CHRNA7: variants seen among roughly 807,000 people sequenced by gnomAD.
CHRNA7 encodes neuronal acetylcholine receptor subunit alpha-7.
A neutral mutation model predicts 48.0 loss-of-function variants in CHRNA7; 17 were observed. The observed-to-expected ratio is 0.35, with a 90% CI of 0.24 to 0.53. The LOEUF (loss-of-function observed/expected upper bound fraction) is 0.53, where lower values mean the gene tolerates loss of function less well. CHRNA7 is among the 20% of genes least tolerant of loss of function. The probability of loss-of-function intolerance (pLI) is 0.92; values close to 1 mark genes in which losing one functional copy is unlikely to be tolerated. For missense variants in CHRNA7, 155 were observed against 577.7 expected (o/e 0.27, Z 7.50); for synonymous variants, 75 against 242.3 (o/e 0.31, Z 6.41).
chr15:32,139,833 C>G (rs545676531), intron 4 of CHRNA7, among the ~76,000 whole-genome samples: 1 of 152,058 alleles, frequency 6.6e-6, no homozygotes, highest in South Asian at 2.1e-4. Flanking sequence ...TTCTTTTGAT[C>G]AGTATATTTT....
intron 2 of CHRNA7, among the ~76,000 whole-genome samples, chr15:32,045,477 C>T (rs2049524020): frequency 1.3e-5 from 2 of 152,010 alleles, no homozygotes; most frequent in Admixed American, 6.6e-5. Context: ...GTTTCTGGTT[C>T]TTGCATATAC....
At chr15:32,051,431 A>G (rs4779966) in intron 2 of CHRNA7, among the ~76,000 whole-genome samples, 135,451 of 152,162 alleles carry the variant, frequency 0.89, 60,799 homozygotes, top group South Asian at 0.95. Context: ...GTGAGACTCC[A>G]TGGGCGTAGG....
chr15:32,064,244 C>T (rs1226829133), intron 2 of CHRNA7, among the ~76,000 whole-genome samples: 8 of 152,012 alleles, frequency 5.3e-5, no homozygotes, highest in East Asian at 3.9e-4. Flanking sequence ...TCTTCCTCCC[C>T]GTGCCCCTTT....
intron 2 of CHRNA7, among the ~76,000 whole-genome samples, chr15:32,044,413 A>G (rs1172142403): frequency 6.6e-6 from 1 of 151,876 alleles, no homozygotes; most frequent in Non-Finnish European, 1.5e-5. Context: ...GAGTAGCTGG[A>G]ACTACAGGTG....
intron 2 of CHRNA7, among the ~76,000 whole-genome samples, chr15:32,039,800 A>T (rs1291786740): frequency 6.6e-6 from 1 of 152,112 alleles, no homozygotes; most frequent in African/African-American, 2.4e-5. Context: ...TCATGTTTAT[A>T]CTGGTTTTCT....
At chr15:32,060,857 T>C (rs2049867156) in intron 2 of CHRNA7, among the ~76,000 whole-genome samples, 2 of 152,152 alleles carry the variant, frequency 1.3e-5, no homozygotes, top group Admixed American at 1.3e-4. Context: ...GTGTCTTCAC[T>C]GAGGTGCGAT....
chr15:32,120,846 G>A (rs1449691487), intron 4 of CHRNA7, among the ~76,000 whole-genome samples: 1 of 152,146 alleles, frequency 6.6e-6, no homozygotes, highest in Non-Finnish European at 1.5e-5. Context: ...GAGCCAGCAC[G>A]GTTGTAAGGG....
chr15:32,081,088 A>C (rs1045851151), intron 2 of CHRNA7, among the ~76,000 whole-genome samples: 2 of 152,192 alleles, frequency 1.3e-5, no homozygotes, highest in Non-Finnish European at 2.9e-5. Context: ...GAACAATGAG[A>C]ACACATGGAC....
In CHRNA7 at chr15:32,084,766, C is replaced by T. The variant is rs959837687; in HGVS notation, c.196-16537C>T. 2.6e-5 allele frequency among the ~76,000 whole-genome samples: 4 copies of T among 152,162 alleles called. No individual in the cohort carries two copies. In the South Asian group the frequency reaches 6.2e-4, roughly 24 times the overall value. On this transcript the variant is annotated intron_variant, in intron 2 of 9. Coordinates refer to ENST00000306901, the MANE Select transcript of CHRNA7 (RefSeq NM_000746.6). ...ATGCTAGTGCATTAGAAGGTGGCCA[C>T]GAGGACAGGCTGGCGCTGCCTGCAC...
chr15:32,121,920 T>C (rs1054955423), intron 4 of CHRNA7, among the ~76,000 whole-genome samples: 25 of 152,272 alleles, frequency 1.6e-4, no homozygotes, highest in African/African-American at 5.5e-4. Context: ...AGCTATAATC[T>C]AAGGAATTGC....
At chr15:32,153,398 G>T (rs1390531315) in intron 4 of CHRNA7, 1 of 144,228 alleles carries the variant, frequency 6.9e-6, no homozygotes, top group Non-Finnish European at 1.5e-5. Flanking sequence ...CTCTAGCCTG[G>T]GCAACACAGC....
chr15:32,116,467 CTCTG>C (rs1347815154), intron 4 of CHRNA7, among the ~76,000 whole-genome samples: 1 of 152,228 alleles, frequency 6.6e-6, no homozygotes, highest in Non-Finnish European at 1.5e-5. Context: ...ATAAAAGCGT[CTCTG>C]TCTGGTGCTG....
chr15:32,063,754 G>A (rs1366655455), intron 2 of CHRNA7, among the ~76,000 whole-genome samples: 1 of 152,136 alleles, frequency 6.6e-6, no homozygotes, highest in African/African-American at 2.4e-5. Context: ...CCTTCCATGA[G>A]CCACTTCATT....
rs77866822 is a variant in CHRNA7 at position 32,120,262 on chromosome 15, C to T, written c.350+8363C>T. ...GACACATCAGGAAAGAGCTCGGTCT[C>T]TTGTGCTTTATTTTCTAAAGTTAAA... On this transcript the variant is annotated intron_variant, in intron 4 of 9. Coordinates refer to ENST00000306901, the MANE Select transcript of CHRNA7 (RefSeq NM_000746.6). 0.02 allele frequency among the ~76,000 whole-genome samples: 3,056 copies of T among 152,164 alleles called. 198 individuals are homozygous for T. The East Asian group carries it at 0.24, about 12-fold the overall frequency.
Position 32,030,615 on chromosome 15 carries a change from C to A in CHRNA7, c.21C>A (p.Gly7=). Reference sequence around the variant, plus strand: ...TCAACATGCGCTGCTCGCCGGGAGGCGTCTGGCTGGCGCTGGCCGCGTCGC... The same window carrying A: ...TCAACATGCGCTGCTCGCCGGGAGGAGTCTGGCTGGCGCTGGCCGCGTCGC... MRCSPG[G]VWLALAASLL... Residue 7 remains glycine, a synonymous_variant, in exon 1 of 10, where the codon GGC becomes GGA. Transcript: ENST00000306901. 1 of 1,563,846 alleles carries A rather than the reference C, an allele frequency of 6.4e-7. No homozygotes were observed. Among genetic ancestry groups the A allele is most frequent in the Admixed American group, 1.8e-5 (1 of 56,176 alleles).
At chr15:32,094,556 C>T (rs1447299727) in intron 2 of CHRNA7, among the ~76,000 whole-genome samples, 2 of 152,222 alleles carry the variant, frequency 1.3e-5, no homozygotes, top group South Asian at 2.1e-4. Flanking sequence ...ATTGCCAGTT[C>T]GGGCCAATTC....
At position 32,114,046 on chromosome 15, in the gene CHRNA7, A is replaced by G. The variant is rs570429407; in HGVS notation, c.350+2147A>G. Among the ~76,000 whole-genome samples, 148 of 44,748 alleles carry G rather than the reference A, an allele frequency of 3.3e-3. 2 individuals carry two copies. In the South Asian group the frequency reaches 0.036, roughly 11 times the overall value. The allele number at this position is 44,748 out of a possible 152,430, so 29.4% of individuals were successfully genotyped here. On this transcript the variant is annotated intron_variant, in intron 4 of 9. Transcript: ENST00000306901. ...TATATATATATATATATATATATGT[A>G]TATATATATATATACATATATATAT... is the stretch of plus-strand genomic sequence containing the variant.
intron 3 of CHRNA7, among the ~76,000 whole-genome samples, chr15:32,105,880 A>G (rs1227747597): frequency 6.6e-6 from 1 of 152,224 alleles, no homozygotes; most frequent in African/African-American, 2.4e-5. Flanking sequence ...AAGGGCTCAC[A>G]AGAATCCTGG....
intron 2 of CHRNA7, among the ~76,000 whole-genome samples, chr15:32,088,352 T>C (rs571020653): frequency 5.3e-5 from 8 of 152,364 alleles, no homozygotes; most frequent in African/African-American, 1.9e-4. Flanking sequence ...TAAGACATCC[T>C]GATTGCATCC....
Sources: allele counts gnomAD v4.1 joint callset (sites outside exome capture counted in the v4.1 genomes callset), GRCh38; gene constraint gnomAD v4.1.1; transcripts MANE v1.5; gene names NCBI Gene and HGNC (gene_info 2026-07-23, HGNC 2026-07-21).